Variants in PLK2 observed in about 807,000 individuals in gnomAD.
PLK2 encodes the protein polo like kinase 2.
A neutral mutation model predicts 78.1 loss-of-function variants in PLK2; 25 were observed. The observed-to-expected ratio is 0.32, with a 90% CI of 0.23 to 0.45. The LOEUF (loss-of-function observed/expected upper bound fraction) is 0.45, where lower values mean the gene tolerates loss of function less well. PLK2 is among the 20% of genes least tolerant of loss of function. The pLI is 1.00. For synonymous variants in PLK2, 332 were observed against 298.2 expected, an observed-to-expected ratio of 1.11 and a Z score of -1.17; for missense variants, 566 against 840.2, an observed-to-expected ratio of 0.67 and a Z score of 4.04.
Position 58,455,782 on chromosome 5 carries a change from G to C in PLK2, c.1385-3C>G. ...TCCCATGGTACTGTCTTCAAGGCCTGAAAAGTCAGACAGAAATGTTTCAAG... is the reference window on the plus strand; with the variant it reads ...TCCCATGGTACTGTCTTCAAGGCCTCAAAAGTCAGACAGAAATGTTTCAAG... On this transcript the variant is annotated splice_polypyrimidine_tract_variant and splice_region_variant and intron_variant, in intron 10 of 13. Coordinates refer to ENST00000274289, the MANE Select transcript of PLK2 (RefSeq NM_006622.4). The C allele has an allele frequency of 6.2e-7, 1 of 1,612,294 alleles. No individual in the cohort carries two copies. The highest frequency in any genetic ancestry group is 8.5e-7 in the Non-Finnish European group (1 of 1,179,886).
In PLK2 at chr5:58,454,381, G is replaced by T. The variant is rs931260837; in HGVS notation, c.*202C>A. ...GGTATCTCAAGGAAAACTGCATTCTGGTTCACTCTTGGATTGTCCAAAGTC... is the reference window on the plus strand; with the variant it reads ...GGTATCTCAAGGAAAACTGCATTCTTGTTCACTCTTGGATTGTCCAAAGTC... On this transcript the variant is annotated 3_prime_UTR_variant, in exon 14 of 14. Transcript: ENST00000274289. 2.3e-6 allele frequency: 1 copy of T among 435,000 alleles called. No homozygotes were observed. Among genetic ancestry groups the T allele is most frequent in the African/African-American group, 2.0e-5 (1 of 50,140 alleles). The allele number at this position is 435,000 out of a possible 1,614,324, so 26.9% of individuals were successfully genotyped here.
rs1024685006 is a variant in PLK2 at position 58,454,078 on chromosome 5, T to C, written c.*505A>G. 1.3e-5 allele frequency: 2 copies of C among 152,698 alleles called. No homozygotes were observed. Among genetic ancestry groups the C allele is most frequent in the African/African-American group, 2.4e-5 (1 of 41,444 alleles). 9.5% of individuals were successfully genotyped at this position (152,698 alleles called of 1,614,324 possible). A position where few individuals can be genotyped will look rare whatever the true frequency, so the allele number is the denominator to read the frequency against. On this transcript the variant is annotated 3_prime_UTR_variant, in exon 14 of 14. Transcript: ENST00000274289. ...ATAAATACTGCTCTTTGGGCTGTAA[T>C]AAATAAAAAGTTTATTAACAAGGAA... is the stretch of plus-strand genomic sequence containing the variant.
At chr5:58,459,269 G>A (rs546129389) in intron 1 of PLK2, 177 bp from the exon 2 acceptor site, 8 of 602,076 alleles carry the variant, frequency 1.3e-5, no homozygotes, top group Non-Finnish European at 2.0e-5. Context: ...GAAGAGAAAT[G>A]CATTGCTGGA....
In PLK2 at chr5:58,457,036, G is replaced by A. The variant is rs1743624604; in HGVS notation, c.1065C>T (p.His355=). The A allele has an allele frequency of 3.1e-6, 5 of 1,613,526 alleles. No individual in the cohort carries two copies. The highest frequency in any genetic ancestry group is 4.5e-5 in the East Asian group (2 of 44,886). Residue 355 remains histidine (H), a synonymous_variant, in exon 8 of 14, where the codon CAC becomes CAT. Transcript: ENST00000274289. ...SSCCHTVPDF[H]LSSPAKNFFK... ...AGAAATTCTTAGCTGGGCTTGATAAGTGGAAATCTGGAACTGTATGACAAC... is the reference window on the plus strand; with the variant it reads ...AGAAATTCTTAGCTGGGCTTGATAAATGGAAATCTGGAACTGTATGACAAC...
intron 3 of PLK2, 48 bp downstream of exon 3, chr5:58,458,677 T>C: frequency 7.9e-7 from 1 of 1,260,316 alleles, no homozygotes; most frequent in Non-Finnish European, 1.2e-6. Context: ...TTGAATACCA[T>C]GTTAATTCGG....
At position 58,455,708 on chromosome 5, in the gene PLK2, T is replaced by C. The variant is rs764255459; in HGVS notation, c.1456A>G (p.Met486Val). The change falls in exon 11 of 14, where the codon ATG becomes GTG. Residue 486 changes from methionine (M) to valine (V), a missense_variant. Transcript: ENST00000274289. The stretch of plus-strand genomic sequence containing the variant: ...TTGGGAATGCAATCAGCTTCCGGCA[T>C]GTTTTCCAGACATCCCCGAAGAACC... ...ARVLRGCLEN[M>V]PEADCIPKEQ... 3.1e-6 allele frequency: 5 copies of C among 1,614,070 alleles called. No individual in the cohort carries two copies. The highest frequency in any genetic ancestry group is 1.1e-5 in the South Asian group (1 of 91,094).
intron 1 of PLK2, chr5:58,459,418 G>A (rs1014501640): frequency 3.5e-6 from 2 of 564,694 alleles, no homozygotes; most frequent in South Asian, 2.4e-5. Context: ...AGGGAGAGAG[G>A]TCTGATGTAG....
At chr5:58,455,442 A>C in intron 11 of PLK2, 28 bp from the exon 12 acceptor site, 1 of 1,612,580 alleles carries the variant, frequency 6.2e-7, no homozygotes, top group Non-Finnish European at 8.5e-7. Flanking sequence ...AAAGGGAGAG[A>C]AGAGGAAAAA....
intron 1 of PLK2, 46 bp from the exon 2 acceptor site, chr5:58,459,138 T>C (rs915638385): frequency 2.2e-6 from 2 of 922,922 alleles, no homozygotes; most frequent in Non-Finnish European, 3.6e-6. Context: ...GGCACAAAAA[T>C]GGACGGCAGA....
At chr5:58,456,912 T>C (rs758413050) in intron 8 of PLK2, 33 bp downstream of exon 8, 2 of 1,395,442 alleles carry the variant, frequency 1.4e-6, no homozygotes, top group Admixed American at 2.1e-5. Context: ...TAATATTGGG[T>C]ACGAAAAAGG....
At position 58,456,872 on chromosome 5, in the gene PLK2, CTCTTT is replaced by C. The variant is rs905894469; in HGVS notation, c.1156+68_1156+72del. The C allele has an allele frequency of 9.1e-6, 9 of 994,414 alleles. No homozygotes were observed. The African/African-American group carries it at 1.5e-4, about 16-fold the overall frequency. The allele number at this position is 994,414 out of a possible 1,614,324, so 61.6% of individuals were successfully genotyped here. ...GGCCAAGTTATGCTAATATAAAATT[CTCTTT>C]TAACTAATTTACCAAATTTAAATAT... On this transcript the variant is annotated intron_variant, in intron 8 of 13. Transcript: ENST00000274289.
At chr5:58,455,101 C>T in intron 12 of PLK2, 80 bp from the exon 13 acceptor site, 1 of 1,155,038 alleles carries the variant, frequency 8.7e-7, no homozygotes, top group Non-Finnish European at 1.3e-6. Context: ...AGAAAATCCT[C>T]TCAAACTTAA....
intron 8 of PLK2, 119 bp from the exon 9 acceptor site, chr5:58,456,708 T>C (rs764478150): frequency 1.4e-5 from 10 of 723,684 alleles, no homozygotes; most frequent in East Asian, 5.2e-5. Flanking sequence ...TGGGCAAAAA[T>C]AGCATTTTAC....
Position 58,456,491 on chromosome 5 carries a change from C to T in PLK2, c.1254+1G>A. On this transcript the variant is annotated splice_donor_variant, in intron 9 of 13. Transcript: ENST00000274289. LOFTEE classifies it high-confidence loss of function. ...ATCTACTTTACTCTTTCCCAACACA[C>T]CTCATCTGTCCTGTGTTTGCTGGGT... 1 of 1,585,378 alleles carries T rather than the reference C, an allele frequency of 6.3e-7. No individual in the cohort carries two copies. Among genetic ancestry groups the T allele is most frequent in the South Asian group, 1.1e-5 (1 of 89,956 alleles).
Position 58,458,737 on chromosome 5 carries a change from G to C in PLK2, c.483C>G (p.Tyr161Ter). ...AGTTGACACTTACCCTTCTACTGCA[G>C]TATTCCAAGAGAATGTAAATGTTTT... ...DKENIYILLE[Y>*]CSRRSMAHIL... The change falls in exon 3 of 14, where the codon TAC becomes TAG. Residue 161 changes from tyrosine (Y) to a stop codon, truncating the protein, a stop_gained. Coordinates refer to ENST00000274289, the MANE Select transcript of PLK2 (RefSeq NM_006622.4). LOFTEE classifies it high-confidence loss of function. 2 of 1,530,886 alleles carry C rather than the reference G, an allele frequency of 1.3e-6. No individual in the cohort carries two copies. Among genetic ancestry groups the C allele is most frequent in the Non-Finnish European group, 9.1e-7 (1 of 1,104,180 alleles). The allele number at this position is 1,530,886 out of a possible 1,614,324, so 94.8% of individuals were successfully genotyped here.
rs370379764 is a variant in PLK2, at chr5:58,456,902, T to C, written c.1156+43A>G. On this transcript the variant is annotated intron_variant, in intron 8 of 13. Transcript: ENST00000274289. ...TTAACTAATTTACCAAATTTAAATA[T>C]AATATTGGGTACGAAAAAGGAAAAG... 92 of 1,296,448 alleles carry C rather than the reference T, an allele frequency of 7.1e-5. No individual in the cohort carries two copies. The South Asian group carries it at 8.0e-4, about 11-fold the overall frequency. 80.3% of individuals were successfully genotyped at this position (1,296,448 alleles called of 1,614,324 possible).
Position 58,459,859 on chromosome 5 carries a change from C to T in PLK2, c.101G>A (p.Arg34Gln). Residue 34 changes from arginine (R) to glutamine (Q), a missense_variant, in exon 1 of 14, where the codon CGG becomes CAG. By Grantham distance (43) the Arg-to-Gln change is conservative. Around this residue, in one of 5 missense-constraint regions of PLK2, gnomAD observed 127 missense variants for 122.5 expected, o/e 1.04. Transcript: ENST00000274289. ...CGATTCCTCGGGGGGCTGCGGCGGC[C>T]GCTTCTTCTTCGAGTCCGCTCCGCA... ...KGCGADSKKK[R>Q]PPQPPEESQP... is the part of the protein sequence containing the mutation. The T allele has an allele frequency of 6.2e-7, 1 of 1,610,790 alleles. No homozygotes were observed. The highest frequency in any genetic ancestry group is 1.1e-5 in the South Asian group (1 of 91,032).
intron 9 of PLK2, 33 bp downstream of exon 9, chr5:58,456,459 C>T (rs776774859): frequency 1.9e-5 from 23 of 1,198,422 alleles, no homozygotes; most frequent in African/African-American, 4.5e-5. Context: ...TAACGTAAAG[C>T]GTGAGTATCT....
rs918723338 is a variant in PLK2 at position 58,460,073 on chromosome 5, C to G, written c.-114G>C. ...TGGTGCCGACTAGCACCCAACACCC[C>G]GGTCCACTTGTGCGAGTGAGAGCGC... On this transcript the variant is annotated 5_prime_UTR_variant, in exon 1 of 14. Transcript: ENST00000274289. 2.4e-6 allele frequency: 3 copies of G among 1,267,656 alleles called. No individual in the cohort carries two copies. The highest frequency in any genetic ancestry group is 3.2e-6 in the Non-Finnish European group (3 of 930,238). 78.5% of individuals were successfully genotyped at this position (1,267,656 alleles called of 1,614,324 possible).
Sources: gnomAD v4.1 joint callset for allele counts on GRCh38, gnomAD v4.1.1 for gene constraint, gnomAD v4.1.1 regional missense constraint, MANE v1.5 for transcripts, NCBI Gene and HGNC (gene_info 2026-07-23, HGNC 2026-07-21) for gene names.